The following CTNNA2 variants were observed in gnomAD, a reference collection of about 807,000 sequenced individuals.
CTNNA2 encodes catenin alpha-2.
Under a neutral mutation model 101.0 loss-of-function variants are expected in CTNNA2, and 42 were observed. The ratio of observed to expected loss-of-function variants is 0.42; its 90% CI spans 0.32 to 0.54. The LOEUF is 0.54. Among genes scored for constraint, CTNNA2 ranks in the 20% least tolerant of loss-of-function variants. The probability of loss-of-function intolerance (pLI) is 0.14; values close to 1 mark genes in which losing one functional copy is unlikely to be tolerated. For synonymous variants in CTNNA2, 450 were observed against 456.4 expected (o/e 0.99, Z 0.18); for missense variants, 871 against 1,223.1 (o/e 0.71, Z 4.29).
At chr2:80,417,577 T>A (rs1033228755) in intron 8 of CTNNA2, among the ~76,000 whole-genome samples, 1 of 152,092 alleles carries the variant, frequency 6.6e-6, no homozygotes, top group South Asian at 2.1e-4. Context: ...TCATTCTTAG[T>A]CTTTTTCAAA....
chr2:80,168,875 C>T (rs921261106), intron 7 of CTNNA2, among the ~76,000 whole-genome samples: 2 of 152,010 alleles, frequency 1.3e-5, no homozygotes, highest in South Asian at 2.1e-4. Flanking sequence ...AGTTGATTCC[C>T]GCAAACCAAA....
chr2:80,245,730 A>G (rs894177919), intron 7 of CTNNA2, among the ~76,000 whole-genome samples: 1 of 149,532 alleles, frequency 6.7e-6, no homozygotes, highest in Non-Finnish European at 1.5e-5. Flanking sequence ...ATGAGGTGGT[A>G]CTTCATGACA....
At chr2:79,797,673 A>AAAAAAAT (rs1402450570) in intron 3 of CTNNA2, among the ~76,000 whole-genome samples, 1 of 150,164 alleles carries the variant, frequency 6.7e-6, no homozygotes, top group African/African-American at 2.5e-5. Flanking sequence ...AAAAAAAAAA[A>AAAAAAAT]AAAAAATGAT....
chr2:80,030,568 C>G (rs1695224246), intron 7 of CTNNA2: 1 of 152,142 alleles, frequency 6.6e-6, no homozygotes, highest in Non-Finnish European at 1.5e-5. Context: ...GGAGACAAAG[C>G]AGGATGTAGA....
At chr2:80,163,229 G>T in intron 7 of CTNNA2, 1 of 878,686 alleles carries the variant, frequency 1.1e-6, no homozygotes, top group Non-Finnish European at 1.8e-6. Context: ...TATTATTATA[G>T]TAGATTATAT....
chr2:80,142,262 C>T (rs150872461), intron 7 of CTNNA2, among the ~76,000 whole-genome samples: 3 of 152,264 alleles, frequency 2.0e-5, no homozygotes, highest in Non-Finnish European at 4.4e-5. Context: ...AAACCCTTAC[C>T]TGTAAGTCAT....
At chr2:80,349,559 T>G (rs1028719293) in intron 7 of CTNNA2, among the ~76,000 whole-genome samples, 2 of 152,164 alleles carry the variant, frequency 1.3e-5, no homozygotes, top group Non-Finnish European at 2.9e-5. Flanking sequence ...CACCTTCCTT[T>G]TTTTTTCCTG....
intron 7 of CTNNA2, among the ~76,000 whole-genome samples, chr2:79,936,008 T>C (rs1687764424): frequency 6.6e-6 from 1 of 152,226 alleles, no homozygotes; most frequent in African/African-American, 2.4e-5. Flanking sequence ...TGTTATAGAA[T>C]GGCAATGAAG....
At chr2:80,497,185 T>A (rs1687541248) in intron 9 of CTNNA2, among the ~76,000 whole-genome samples, 1 of 152,218 alleles carries the variant, frequency 6.6e-6, no homozygotes, top group Non-Finnish European at 1.5e-5. Context: ...CTTTTTATTT[T>A]ACTATCATAT....
chr2:79,954,950 C>A (rs1047851734), intron 7 of CTNNA2, among the ~76,000 whole-genome samples: 23 of 152,230 alleles, frequency 1.5e-4, no homozygotes, highest in African/African-American at 5.5e-4. Context: ...AGAAGAAATA[C>A]CCTTCTCTTT....
At chr2:80,349,869 TC>T (rs1433942451) in intron 7 of CTNNA2, among the ~76,000 whole-genome samples, 1 of 152,124 alleles carries the variant, frequency 6.6e-6, no homozygotes, top group African/African-American at 2.4e-5. Context: ...ATTGCCACTC[TC>T]CTCCCTTATC....
At chr2:79,278,268 T>C (rs984119649) in intron 2 of CTNNA2, among the ~76,000 whole-genome samples, 2 of 152,138 alleles carry the variant, frequency 1.3e-5, no homozygotes, top group African/African-American at 2.4e-5. Flanking sequence ...AGGGACACTA[T>C]TGGCAATTAC....
At chr2:80,102,665 A>G (rs1345721204) in intron 7 of CTNNA2, among the ~76,000 whole-genome samples, 1 of 152,066 alleles carries the variant, frequency 6.6e-6, no homozygotes, top group Non-Finnish European at 1.5e-5. Flanking sequence ...GGCATGCACC[A>G]CACACCCAGC....
intron 7 of CTNNA2, among the ~76,000 whole-genome samples, chr2:79,995,954 T>C (rs1427981814): frequency 6.6e-6 from 1 of 152,220 alleles, no homozygotes; most frequent in East Asian, 1.9e-4. Context: ...ATTTTTGCTT[T>C]ATACTTCCCA....
At chr2:79,603,695 C>T (rs1677697954) in intron 1 of CTNNA2, among the ~76,000 whole-genome samples, 2 of 152,130 alleles carry the variant, frequency 1.3e-5, no homozygotes, top group Non-Finnish European at 2.9e-5. Flanking sequence ...AGTGTAAGTA[C>T]ATTTTAAGAG....
intron 7 of CTNNA2, among the ~76,000 whole-genome samples, chr2:80,365,581 A>AC (rs1040530113): frequency 6.6e-6 from 1 of 151,676 alleles, no homozygotes; most frequent in African/African-American, 2.4e-5. Context: ...GAAAAAAAAA[A>AC]AAAACAACAA....
chr2:79,700,513 G>A (rs969459265), intron 2 of CTNNA2, among the ~76,000 whole-genome samples: 5 of 152,014 alleles, frequency 3.3e-5, no homozygotes, highest in Admixed American at 3.3e-4. Flanking sequence ...CTTGACCCCC[G>A]CTGGGATCAA....
chr2:80,595,981 C>T (rs576442947), intron 15 of CTNNA2, among the ~76,000 whole-genome samples: 54 of 152,190 alleles, frequency 3.5e-4, no homozygotes, highest in African/African-American at 1.2e-3. Flanking sequence ...AGTATTGATT[C>T]TTCCTATCCA....
rs1359054175 is a variant in CTNNA2, at chr2:79,751,817, C to T, written c.298+7235C>T. On this transcript the variant is annotated intron_variant, in intron 3 of 18. Transcript: ENST00000402739. ...GACTAAATTAGAGAAAAACTGGACC[C>T]AGACAGATTGGTTAGGTGTGATCAT... 3.3e-4 allele frequency among the ~76,000 whole-genome samples: 50 copies of T among 151,888 alleles called. 1 individual carries two copies. The highest frequency in any genetic ancestry group is 3.2e-3 in the Admixed American group (48 of 15,236).
Sources: gnomAD v4.1 joint callset for allele counts (sites outside exome capture counted in the v4.1 genomes callset) on GRCh38, gnomAD v4.1.1 for gene constraint, MANE v1.5 for transcripts, NCBI Gene and HGNC (gene_info 2026-07-23, HGNC 2026-07-21) for gene names.